Variants in ZMAT4 observed in about 807,000 individuals in gnomAD.
ZMAT4 encodes the protein zinc finger matrin-type protein 4.
Under a neutral mutation model 28.7 loss-of-function variants are expected in ZMAT4, and 17 were observed. The ratio of observed to expected loss-of-function variants is 0.59; its 90% confidence interval spans 0.41 to 0.89. The LOEUF is 0.89. ZMAT4 is among the 40% of genes least tolerant of loss of function. The pLI is 0.00. For synonymous variants in ZMAT4, 117 were observed against 109.2 expected (o/e 1.07, Z -0.44); for missense variants, 240 against 283.8 (o/e 0.85, Z 1.11).
chr8:40,812,782 A>G (rs1042718382), intron 2 of ZMAT4, among the ~76,000 whole-genome samples: 1 of 151,938 alleles, frequency 6.6e-6, no homozygotes, highest in Non-Finnish European at 1.5e-5. Flanking sequence ...AATACAAAAA[A>G]TTAGCTGGGC....
intron 3 of ZMAT4, among the ~76,000 whole-genome samples, chr8:40,698,575 T>A (rs1809995496): frequency 6.6e-6 from 1 of 152,142 alleles, no homozygotes; most frequent in Admixed American, 6.5e-5. Context: ...AATTTAAAAT[T>A]GGATGGTGAG....
chr8:40,824,600 G>A (rs1314586223), intron 2 of ZMAT4, among the ~76,000 whole-genome samples: 7 of 148,262 alleles, frequency 4.7e-5, no homozygotes, highest in South Asian at 2.2e-4. Context: ...TGAGTGAGAC[G>A]CTATCTCAGA....
intron 3 of ZMAT4, among the ~76,000 whole-genome samples, chr8:40,704,301 A>G: frequency 6.6e-6 from 1 of 152,188 alleles, no homozygotes. Flanking sequence ...CTGATTGACT[A>G]CAGGGTCCTG....
intron 6 of ZMAT4, among the ~76,000 whole-genome samples, chr8:40,562,420 C>T (rs1422353806): frequency 2.0e-5 from 3 of 152,138 alleles, no homozygotes; most frequent in African/African-American, 7.2e-5. Context: ...CCCAACATGT[C>T]TAATTCCAAA....
intron 4 of ZMAT4, among the ~76,000 whole-genome samples, chr8:40,695,203 C>T (rs1809827321): frequency 6.6e-6 from 1 of 152,188 alleles, no homozygotes; most frequent in Non-Finnish European, 1.5e-5. Context: ...GTCTTTTCTC[C>T]TATTGACCAA....
chr8:40,544,580 G>A (rs1338653747), intron 6 of ZMAT4, among the ~76,000 whole-genome samples: 1 of 152,194 alleles, frequency 6.6e-6, no homozygotes, highest in Non-Finnish European at 1.5e-5. Flanking sequence ...TTCTTGGAGA[G>A]AATTGTGGGT....
intron 2 of ZMAT4, among the ~76,000 whole-genome samples, chr8:40,821,440 C>CAAAT (rs1815825677): frequency 6.6e-6 from 1 of 151,532 alleles, no homozygotes; most frequent in African/African-American, 2.4e-5. Flanking sequence ...TAACGCTTAG[C>CAAAT]AAGAAAAATA....
chr8:40,679,528 T>G (rs1307596923), intron 4 of ZMAT4, among the ~76,000 whole-genome samples: 1 of 151,934 alleles, frequency 6.6e-6, no homozygotes, highest in Non-Finnish European at 1.5e-5. Flanking sequence ...GAAGGAGAAA[T>G]GCCAAGCAAA....
chr8:40,705,796 C>T (rs183240431), intron 3 of ZMAT4, among the ~76,000 whole-genome samples: 6 of 152,232 alleles, frequency 3.9e-5, no homozygotes, highest in African/African-American at 1.4e-4. Flanking sequence ...CTATAGTCAC[C>T]ATGCTGTACA....
At chr8:40,807,644 A>G (rs2150593011) in intron 2 of ZMAT4, among the ~76,000 whole-genome samples, 1 of 152,310 alleles carries the variant, frequency 6.6e-6, no homozygotes, top group East Asian at 1.9e-4. Context: ...TTTTCTGAGC[A>G]AACACATTTT....
chr8:40,589,151 T>A (rs1163675137), intron 5 of ZMAT4, among the ~76,000 whole-genome samples: 2 of 152,352 alleles, frequency 1.3e-5, no homozygotes, highest in South Asian at 2.1e-4. Context: ...TAAGCACTGA[T>A]GTGCTTACTT....
intron 5 of ZMAT4, among the ~76,000 whole-genome samples, chr8:40,667,844 A>AC (rs1413425790): frequency 5.5e-5 from 8 of 146,310 alleles, no homozygotes; most frequent in Non-Finnish European, 1.1e-4. Flanking sequence ...TAAAAAAAAA[A>AC]AAAACAACAA....
At chr8:40,897,197 G>A (rs763089640) in intron 1 of ZMAT4, among the ~76,000 whole-genome samples, 67 of 152,140 alleles carry the variant, frequency 4.4e-4, no homozygotes, top group Non-Finnish European at 8.5e-4. Flanking sequence ...AGGCAGGAAG[G>A]AGGCAGAAGT....
chr8:40,793,313 CT>C (rs1348755559), intron 2 of ZMAT4, among the ~76,000 whole-genome samples: 1 of 152,204 alleles, frequency 6.6e-6, no homozygotes, highest in Non-Finnish European at 1.5e-5. Flanking sequence ...CCTACTTTGC[CT>C]TTCATTGCCA....
chr8:40,650,257 C>T (rs1807573015), intron 5 of ZMAT4, among the ~76,000 whole-genome samples: 1 of 151,842 alleles, frequency 6.6e-6, no homozygotes, highest in Non-Finnish European at 1.5e-5. Flanking sequence ...ACCACCGATC[C>T]CACAGAAATA....
At chr8:40,831,749 T>G (rs1284558516) in intron 1 of ZMAT4, among the ~76,000 whole-genome samples, 1 of 152,160 alleles carries the variant, frequency 6.6e-6, no homozygotes, top group Non-Finnish European at 1.5e-5. Context: ...TTTCTGAATT[T>G]CCAAACTGCC....
At chr8:40,882,950 T>C (rs1818331838) in intron 1 of ZMAT4, among the ~76,000 whole-genome samples, 1 of 152,186 alleles carries the variant, frequency 6.6e-6, no homozygotes, top group South Asian at 2.1e-4. Context: ...AAACTCCTTA[T>C]TGCCGTTATC....
chr8:40,619,195 A>G (rs1806116363), intron 5 of ZMAT4, among the ~76,000 whole-genome samples: 1 of 152,146 alleles, frequency 6.6e-6, no homozygotes, highest in Non-Finnish European at 1.5e-5. Flanking sequence ...TCAGACAAAG[A>G]AACGTTGGTG....
chr8:40,555,511 G>A (rs1234285255), intron 6 of ZMAT4, among the ~76,000 whole-genome samples: 1 of 152,146 alleles, frequency 6.6e-6, no homozygotes, highest in Non-Finnish European at 1.5e-5. Flanking sequence ...TTGTGATAAT[G>A]ATCTTCAATT....
Sources: gnomAD v4.1 joint callset for allele counts (sites outside exome capture counted in the v4.1 genomes callset) on GRCh38, gnomAD v4.1.1 for gene constraint, MANE v1.5 for transcripts, NCBI Gene and HGNC (gene_info 2026-07-23, HGNC 2026-07-21) for gene names.